Variants in TMEM53 observed in about 807,000 individuals in gnomAD.
TMEM53 encodes the protein transmembrane protein 53.
TMEM53 carries 14 observed loss-of-function variants against 21.4 expected under a neutral mutation model. That is an observed-to-expected ratio of 0.65 (90% CI 0.43 to 1.02). TMEM53 has a LOEUF of 1.02. Ranked by LOEUF, TMEM53 falls within the 50% of genes least tolerant of loss-of-function variation. TMEM53 has a pLI of 0.00. For synonymous variants in TMEM53, 148 were observed against 157.4 expected, an observed-to-expected ratio of 0.94 and a Z score of 0.45; for missense variants, 323 against 383.6, an observed-to-expected ratio of 0.84 and a Z score of 1.32.
intron 1 of TMEM53, 107 bp downstream of exon 1, chr1:44,674,223 GC>G (rs1645056405): frequency 6.8e-7 from 1 of 1,467,772 alleles, no homozygotes; most frequent in East Asian, 2.6e-5. Context: ...TGAGGGGGCG[GC>G]CCGAGGGAGG....
intron 1 of TMEM53, 85 bp downstream of exon 1, chr1:44,674,246 T>C: frequency 6.0e-6 from 9 of 1,506,868 alleles, no homozygotes; most frequent in Non-Finnish European, 8.0e-6. Flanking sequence ...CGGGGCCGCA[T>C]GAGGGGCGGG....
chr1:44,674,031 A>G, intron 1 of TMEM53: 2 of 985,454 alleles, frequency 2.0e-6, no homozygotes, highest in Non-Finnish European at 2.4e-6. Flanking sequence ...GCCTTCAGCT[A>G]TGAGAAGTGA....
At chr1:44,656,409 C>A (rs771177433) in intron 2 of TMEM53, among the ~76,000 whole-genome samples, 4 of 152,156 alleles carry the variant, frequency 2.6e-5, no homozygotes, top group Non-Finnish European at 4.4e-5. Flanking sequence ...GTTAAATGAC[C>A]CATGGCTAAA....
chr1:44,656,443 T>G (rs1644849734), intron 2 of TMEM53, among the ~76,000 whole-genome samples: 1 of 152,170 alleles, frequency 6.6e-6, no homozygotes, highest in African/African-American at 2.4e-5. Flanking sequence ...CAGAGGTACC[T>G]TGCCATCAGC....
rs2148528278 is a variant in TMEM53, at chr1:44,655,298, G to T, written c.184-89C>A. ...CAGAGGGGCCCAGCAACCCCAGCCT[G>T]TAGGACATAGGCCATGGGGCCCACA... is the stretch of plus-strand genomic sequence containing the variant. On this transcript the variant is annotated intron_variant, in intron 2 of 2. Coordinates refer to ENST00000372237, the MANE Select transcript of TMEM53 (RefSeq NM_024587.4). This position sits in a 1 kb window ranked among gnomAD's most constrained non-coding sequence, Gnocchi z 4.4. 2.3e-6 allele frequency: 3 copies of T among 1,328,648 alleles called. No homozygotes were observed. The highest frequency in any genetic ancestry group is 4.8e-5 in the East Asian group (2 of 41,668). The allele number at this position is 1,328,648 out of a possible 1,614,324, so 82.3% of individuals were successfully genotyped here.
intron 1 of TMEM53, among the ~76,000 whole-genome samples, chr1:44,673,504 C>T (rs1025161599): frequency 6.6e-6 from 1 of 152,200 alleles, no homozygotes; most frequent in Non-Finnish European, 1.5e-5. Flanking sequence ...AGAGACCAAA[C>T]TTTCCACTCT....
chr1:44,667,394 G>A (rs1644958890), intron 1 of TMEM53, among the ~76,000 whole-genome samples: 2 of 148,482 alleles, frequency 1.3e-5, no homozygotes, highest in Non-Finnish European at 3.0e-5. Flanking sequence ...TACAACCTTC[G>A]CCTTCCAGGT....
chr1:44,658,312 T>A (rs1644868466), intron 2 of TMEM53, among the ~76,000 whole-genome samples: 1 of 151,856 alleles, frequency 6.6e-6, no homozygotes, highest in Non-Finnish European at 1.5e-5. Flanking sequence ...ACCCAGGAGG[T>A]GCCCAGCCAG....
At chr1:44,666,376 G>A (rs777487466) in intron 1 of TMEM53, among the ~76,000 whole-genome samples, 1 of 152,042 alleles carries the variant, frequency 6.6e-6, no homozygotes, top group Non-Finnish European at 1.5e-5. Context: ...TCACTACTAG[G>A]GATACATCCA....
rs149202549 is a variant in TMEM53 at position 44,659,127 on chromosome 1, G to T, written c.183+1047C>A. 2.2e-3 allele frequency among the ~76,000 whole-genome samples: 332 copies of T among 152,306 alleles called. 1 individual carries two copies. The highest frequency in any genetic ancestry group is 3.6e-3 in the Non-Finnish European group (248 of 68,020). On this transcript the variant is annotated intron_variant, in intron 2 of 2. Transcript: ENST00000372237. The stretch of plus-strand genomic sequence containing the variant: ...CCAGAGCCCCAGCCTCGGAGGTCGG[G>T]GAGAGACTTCAAGCTCAGAACTACA...
intron 1 of TMEM53, among the ~76,000 whole-genome samples, chr1:44,667,277 T>TAC: frequency 6.6e-6 from 1 of 151,808 alleles, no homozygotes; most frequent in Non-Finnish European, 1.5e-5. Flanking sequence ...AATACCCATA[T>TAC]ACACACACAT....
rs952444858 is a variant in TMEM53, at chr1:44,660,392, G to A, written c.62-97C>T. On this transcript the variant is annotated intron_variant, in intron 1 of 2. Transcript: ENST00000372237. ...AGCAGCACTCCGGCTGCTGCAGGCAGGGAACAACGGGTGCCAGGCCCAGGC... is the reference window on the plus strand; with the variant it reads ...AGCAGCACTCCGGCTGCTGCAGGCAAGGAACAACGGGTGCCAGGCCCAGGC... 8 of 1,485,092 alleles carry A rather than the reference G, an allele frequency of 5.4e-6. No homozygotes were observed. The South Asian group carries it at 6.5e-5, about 12-fold the overall frequency. The allele number at this position is 1,485,092 out of a possible 1,614,324, so 92.0% of individuals were successfully genotyped here. A position where few individuals can be genotyped will look rare whatever the true frequency, so the allele number is the denominator to read the frequency against.
intron 2 of TMEM53, among the ~76,000 whole-genome samples, chr1:44,657,556 G>A (rs927972590): frequency 3.9e-5 from 6 of 152,102 alleles, no homozygotes; most frequent in African/African-American, 1.2e-4. Flanking sequence ...TGTTTTGTTT[G>A]AGACAGGGTC....
Position 44,653,497 on chromosome 1 carries a change from CT to C in TMEM53, c.*1061del, listed in dbSNP as rs1644818871. 2 of 152,290 alleles carry C rather than the reference CT, an allele frequency of 1.3e-5. No homozygotes were observed. Among genetic ancestry groups the C allele is most frequent in the Admixed American group, 1.3e-4 (2 of 15,284 alleles). 9.4% of individuals were successfully genotyped at this position (152,290 alleles called of 1,614,324 possible). On this transcript the variant is annotated 3_prime_UTR_variant, in exon 3 of 3. Coordinates refer to ENST00000372237, the MANE Select transcript of TMEM53 (RefSeq NM_024587.4). ...CTCCTGTTACAATGCTGCTGCCTTC[CT>C]GCCCCCCACTGTCTCTGGCAACTTT...
At chr1:44,674,167 GC>G in intron 1 of TMEM53, 163 bp downstream of exon 1, 1 of 985,354 alleles carries the variant, frequency 1.0e-6, no homozygotes, top group Non-Finnish European at 1.2e-6. Context: ...CTTACGAGGG[GC>G]GGGGCTCTCT....
chr1:44,667,875 G>A lies in TMEM53; in HGVS notation c.61+6456C>T, dbSNP rs138106462. 3.3e-3 allele frequency among the ~76,000 whole-genome samples: 505 copies of A among 152,152 alleles called. 1 individual carries two copies. The highest frequency in any genetic ancestry group is 5.7e-3 in the Non-Finnish European group (385 of 68,018). ...ATTCTTTTCAACCCTAGCACTTCTC[G>A]AGTACCCCACAAAGCAATTTAATCT... On this transcript the variant is annotated intron_variant, in intron 1 of 2. Transcript: ENST00000372237.
chr1:44,656,261 G>C (rs1420904200), intron 2 of TMEM53, among the ~76,000 whole-genome samples: 1 of 152,092 alleles, frequency 6.6e-6, no homozygotes, highest in African/African-American at 2.4e-5. Flanking sequence ...CACCTCATAA[G>C]GTTATGGGTA....
Position 44,654,837 on chromosome 1 carries a change from C to G in TMEM53, c.556G>C (p.Val186Leu). The G allele has an allele frequency of 6.2e-7, 1 of 1,613,202 alleles. No homozygotes were observed. Residue 186 changes from valine to leucine, a missense_variant, in exon 3 of 3, where the codon GTC becomes CTC. This residue lies in a region of TMEM53 where 269 missense variants were observed against 334.5 expected (regional missense o/e 0.80). Coordinates refer to ENST00000372237, the MANE Select transcript of TMEM53 (RefSeq NM_024587.4). The surrounding 1 kb of genome is among the most constrained non-coding windows in gnomAD (Gnocchi z 7.0). Reference sequence around the variant, plus strand: ...AGGGCTGTGATGGGAGCAAGCAGGACGTGGAACAGGACGACCACCAGGGCA... The same window carrying G: ...AGGGCTGTGATGGGAGCAAGCAGGAGGTGGAACAGGACGACCACCAGGGCA... ...AFALVVVLFH[V>L]LLAPITALFH... is the part of the protein sequence containing the mutation.
At position 44,655,323 on chromosome 1, in the gene TMEM53, A is replaced by G; in HGVS notation, c.184-114T>C. 1 of 1,049,834 alleles carries G rather than the reference A, an allele frequency of 9.5e-7. No homozygotes were observed. The highest frequency in any genetic ancestry group is 1.3e-6 in the Non-Finnish European group (1 of 742,596). 65.0% of individuals were successfully genotyped at this position (1,049,834 alleles called of 1,614,324 possible). A position where few individuals can be genotyped will look rare whatever the true frequency, so the allele number is the denominator to read the frequency against. ...GTAGGACATAGGCCATGGGGCCCAC[A>G]GCGTCAGCAATGCTCTGGGTCCTGC... is the stretch of plus-strand genomic sequence containing the variant. On this transcript the variant is annotated intron_variant, in intron 2 of 2. Transcript: ENST00000372237. This position sits in a 1 kb window ranked among gnomAD's most constrained non-coding sequence, Gnocchi z 4.4.
Sources: gnomAD v4.1 joint callset for allele counts (sites outside exome capture counted in the v4.1 genomes callset) on GRCh38, gnomAD v4.1.1 for gene constraint, gnomAD v4.1.1 regional missense constraint, Gnocchi (gnomAD v3.1) non-coding constraint, MANE v1.5 for transcripts, NCBI Gene and HGNC (gene_info 2026-07-23, HGNC 2026-07-21) for gene names.